HNF4G: variants seen among roughly 807,000 people sequenced by gnomAD.
HNF4G encodes the protein hepatocyte nuclear factor 4-gamma.
A neutral mutation model predicts 50.9 loss-of-function variants in HNF4G; 21 were observed. The ratio of observed to expected loss-of-function variants is 0.41; its 90% CI spans 0.29 to 0.59. HNF4G has a LOEUF of 0.59. Ranked by LOEUF, HNF4G falls within the 20% of genes least tolerant of loss-of-function variation. The pLI, the probability that HNF4G is intolerant of heterozygous loss-of-function variation, is 0.26. For missense variants in HNF4G, 527 were observed against 559.4 expected (o/e 0.94, Z 0.58); for synonymous variants, 198 against 185.6 (o/e 1.07, Z -0.54).
intron 2 of HNF4G, among the ~76,000 whole-genome samples, chr8:75,530,990 C>T (rs1421496906): frequency 6.6e-6 from 1 of 151,996 alleles, no homozygotes; most frequent in Admixed American, 6.6e-5. Flanking sequence ...GACAGGGTTT[C>T]ACCATGTTGT....
chr8:75,542,126 C>T (rs1012958386), intron 1 of HNF4G, among the ~76,000 whole-genome samples: 2 of 151,838 alleles, frequency 1.3e-5, no homozygotes, highest in African/African-American at 4.8e-5. Context: ...CATAGTGAGA[C>T]CTTGTCTCTA....
chr8:75,509,054 G>A (rs766436501), intron 2 of HNF4G, among the ~76,000 whole-genome samples: 1 of 152,166 alleles, frequency 6.6e-6, no homozygotes, highest in African/African-American at 2.4e-5. Flanking sequence ...AAGAGGGTGA[G>A]TTTAAGGTAT....
chr8:75,483,045 C>G (rs956399465), intron 1 of HNF4G, among the ~76,000 whole-genome samples: 2 of 152,104 alleles, frequency 1.3e-5, no homozygotes, highest in Non-Finnish European at 2.9e-5. Context: ...CACTTTTAAA[C>G]TCAATGACAT....
chr8:75,494,373 CAAG>C (rs1812712707), intron 2 of HNF4G, among the ~76,000 whole-genome samples: 1 of 140,854 alleles, frequency 7.1e-6, no homozygotes, highest in Non-Finnish European at 1.6e-5. Context: ...ACAAGGAGAC[CAAG>C]AAAAAATCAT....
chr8:75,511,455 A>G (rs1805748890), intron 2 of HNF4G, among the ~76,000 whole-genome samples: 1 of 152,254 alleles, frequency 6.6e-6, no homozygotes, highest in South Asian at 2.1e-4. Flanking sequence ...TATCAATTAT[A>G]GAATCACTTC....
At chr8:75,426,915 G>T (rs1300158468) in intron 1 of HNF4G, among the ~76,000 whole-genome samples, 1 of 152,098 alleles carries the variant, frequency 6.6e-6, no homozygotes, top group Non-Finnish European at 1.5e-5. Context: ...GATCATGATG[G>T]GGTTAGGGAT....
chr8:75,416,395 A>T (rs1042679295), intron 1 of HNF4G, among the ~76,000 whole-genome samples: 1 of 152,074 alleles, frequency 6.6e-6, no homozygotes, highest in Non-Finnish European at 1.5e-5. Flanking sequence ...TTTTGAACTT[A>T]CTTGGAAGCT....
At position 75,414,066 on chromosome 8, in the gene HNF4G, G is replaced by A. The variant is rs77165881; in HGVS notation, c.-144+5904G>A. On this transcript the variant is annotated intron_variant, in intron 1 of 10. Coordinates refer to the HNF4G transcript ENST00000354370. ...AACCCCTTTTTATGCATGTGCTTCA[G>A]TGAGTTTTGACAAATGTATGTAGTT... 0.01 allele frequency among the ~76,000 whole-genome samples: 1,523 copies of A among 152,094 alleles called. 63 individuals are homozygous for A. The East Asian group carries it at 0.14, about 14-fold the overall frequency.
chr8:75,522,763 T>C lies in HNF4G; in HGVS notation c.-23-21048T>C, dbSNP rs180816240. Among the ~76,000 whole-genome samples, 226 of 152,276 alleles carry C rather than the reference T, an allele frequency of 1.5e-3. 1 individual carries two copies. Among genetic ancestry groups the C allele is most frequent in the Middle Eastern group, 0.01 (3 of 292 alleles). On this transcript the variant is annotated intron_variant, in intron 2 of 10. Coordinates refer to the HNF4G transcript ENST00000354370. The stretch of plus-strand genomic sequence containing the variant: ...ACCACTGATGTAGCCGCCTGATGAT[T>C]TCTCTAATATGTTACCTAAATTTTG...
chr8:75,461,271 T>C (rs1182421737), intron 1 of HNF4G, among the ~76,000 whole-genome samples: 1 of 152,054 alleles, frequency 6.6e-6, no homozygotes, highest in African/African-American at 2.4e-5. Context: ...GGAAAATCTT[T>C]TTCCTTCCCT....
chr8:75,539,340 C>T (rs1806548168), upstream of HNF4G, among the ~76,000 whole-genome samples: 1 of 152,104 alleles, frequency 6.6e-6, no homozygotes, highest in Non-Finnish European at 1.5e-5. Flanking sequence ...TGTTAAAGGC[C>T]ATATAAGGGT....
At chr8:75,544,044 A>T in intron 2 of HNF4G, 65 bp downstream of exon 2, 1 of 1,397,444 alleles carries the variant, frequency 7.2e-7, no homozygotes, top group Non-Finnish European at 9.7e-7. Flanking sequence ...CGCAAAAAGT[A>T]AGAGAAGAAA....
intron 1 of HNF4G, among the ~76,000 whole-genome samples, chr8:75,470,133 G>T (rs947784085): frequency 6.6e-6 from 1 of 152,194 alleles, no homozygotes; most frequent in East Asian, 1.9e-4. Context: ...AAAGTAGGGT[G>T]TAATCTTTGC....
At chr8:75,555,129 GT>G in intron 5 of HNF4G, among the ~76,000 whole-genome samples, 1 of 152,292 alleles carries the variant, frequency 6.6e-6, no homozygotes, top group Admixed American at 6.5e-5. Flanking sequence ...CATTCAAAGA[GT>G]TTTCAGCCTG....
chr8:75,529,401 T>G (rs2130763077), intron 2 of HNF4G, among the ~76,000 whole-genome samples: 1 of 152,154 alleles, frequency 6.6e-6, no homozygotes, highest in East Asian at 1.9e-4. Flanking sequence ...GTATTACAAT[T>G]CGAGATGAGA....
chr8:75,529,115 T>C (rs13278186), intron 2 of HNF4G, among the ~76,000 whole-genome samples: 46,075 of 151,290 alleles, frequency 0.3, 7,322 homozygotes, highest in African/African-American at 0.41. Flanking sequence ...TGAAACCCCG[T>C]CTTTACTAAA....
intron 1 of HNF4G, among the ~76,000 whole-genome samples, chr8:75,452,587 C>T (rs537047853): frequency 1.5e-3 from 233 of 152,068 alleles, no homozygotes; most frequent in African/African-American, 4.6e-3. Context: ...GGCATGGTGG[C>T]GGGCGCCTGT....
intron 1 of HNF4G, among the ~76,000 whole-genome samples, chr8:75,459,117 G>T (rs938588866): frequency 6.6e-6 from 1 of 152,062 alleles, no homozygotes; most frequent in Non-Finnish European, 1.5e-5. Context: ...CACCCTTCAG[G>T]CAGAGTGGGA....
At chr8:75,461,926 A>AT (rs869109879) in intron 1 of HNF4G, among the ~76,000 whole-genome samples, 2 of 10,860 alleles carry the variant, frequency 1.8e-4, no homozygotes, top group Non-Finnish European at 5.4e-4. Context: ...ATATATATAT[A>AT]TATTTTTTTA....
Sources: gnomAD v4.1 joint callset for allele counts (sites outside exome capture counted in the v4.1 genomes callset) on GRCh38, gnomAD v4.1.1 for gene constraint, MANE v1.5 for transcripts, NCBI Gene and HGNC (gene_info 2026-07-23, HGNC 2026-07-21) for gene names.